The following KIRREL3 variants were observed in gnomAD, a reference collection of about 807,000 sequenced individuals.
KIRREL3 encodes the protein kirre like nephrin family adhesion molecule 3.
A neutral mutation model predicts 89.7 loss-of-function variants in KIRREL3; 36 were observed. The observed-to-expected ratio is 0.40, with a 90% confidence interval of 0.31 to 0.53. The LOEUF is 0.53. KIRREL3 is among the 20% of genes least tolerant of loss of function. The pLI, the probability that KIRREL3 is intolerant of heterozygous loss-of-function variation, is 0.49. For missense variants in KIRREL3, 864 were observed against 1,056.6 expected (o/e 0.82, Z 2.53); for synonymous variants, 445 against 441.4 (o/e 1.01, Z -0.10).
rs181112620 is a variant in KIRREL3 at position 126,855,269 on chromosome 11, G to A, written c.55+145186C>T. On this transcript the variant is annotated intron_variant, in intron 1 of 16. Coordinates refer to ENST00000525144, the MANE Select transcript of KIRREL3 (RefSeq NM_032531.4). ...ATCATGTGGGCAGATTCGCCCTTGC[G>A]TTCTTGCGATAGTAAGTGAGTTCTC... Among the ~76,000 whole-genome samples the A allele has an allele frequency of 1.8e-4, 28 of 152,320 alleles. No individual in the cohort carries two copies. In the East Asian group the frequency reaches 2.9e-3, roughly 16 times the overall value.
At chr11:126,591,640 C>A (rs1028006858) in intron 1 of KIRREL3, among the ~76,000 whole-genome samples, 5 of 152,218 alleles carry the variant, frequency 3.3e-5, no homozygotes, top group Non-Finnish European at 7.3e-5. Flanking sequence ...CTAGAAGGAT[C>A]TGGCTGTTCA....
chr11:126,971,447 T>C (rs1316425770), intron 1 of KIRREL3, among the ~76,000 whole-genome samples: 1 of 152,192 alleles, frequency 6.6e-6, no homozygotes, highest in South Asian at 2.1e-4. Flanking sequence ...ACAGGGTTTT[T>C]ATGTTCTGTT....
intron 15 of KIRREL3, among the ~76,000 whole-genome samples, chr11:126,426,711 T>A (rs2134136398): frequency 6.6e-6 from 1 of 152,280 alleles, no homozygotes; most frequent in Non-Finnish European, 1.5e-5. Context: ...GGTAGTAGGT[T>A]CCCTCCTACT....
intron 4 of KIRREL3, among the ~76,000 whole-genome samples, chr11:126,504,163 A>C (rs769082271): frequency 3.3e-5 from 5 of 152,142 alleles, no homozygotes; most frequent in African/African-American, 1.2e-4. Flanking sequence ...AAACCTTGGC[A>C]TCATCTGTGA....
In KIRREL3 at chr11:126,953,593, C is replaced by G. The variant is rs778247134; in HGVS notation, c.55+46862G>C. On this transcript the variant is annotated intron_variant, in intron 1 of 16. Transcript: ENST00000525144. This position sits in a 1 kb window ranked among gnomAD's most constrained non-coding sequence, Gnocchi z 5.2. ...TGGATGCAAATGTGGATCAAATACACACACACACACTTGGGAGAGATAGAG... is the reference window on the plus strand; with the variant it reads ...TGGATGCAAATGTGGATCAAATACAGACACACACACTTGGGAGAGATAGAG... Among the ~76,000 whole-genome samples, 1 of 139,136 alleles carries G rather than the reference C, an allele frequency of 7.2e-6. No individual in the cohort carries two copies. The highest frequency in any genetic ancestry group is 1.5e-5 in the Non-Finnish European group (1 of 65,324). The allele number at this position is 139,136 out of a possible 152,430, so 91.3% of individuals were successfully genotyped here.
intron 4 of KIRREL3, among the ~76,000 whole-genome samples, chr11:126,493,871 G>A (rs1354447414): frequency 6.6e-6 from 1 of 151,928 alleles, no homozygotes; most frequent in South Asian, 2.1e-4. Flanking sequence ...TCTGGGTCCC[G>A]GAACCATCCT....
rs1452264832 is a variant in KIRREL3 at position 126,669,798 on chromosome 11, C to T, written c.56-106886G>A. The stretch of plus-strand genomic sequence containing the variant: ...ATTATAAATCCAGTCTTGACCTATC[C>T]CTTGGGCTAAAGATTTGTAGAGTCA... On this transcript the variant is annotated intron_variant, in intron 1 of 16. Coordinates refer to ENST00000525144, the MANE Select transcript of KIRREL3 (RefSeq NM_032531.4). This position sits in a 1 kb window ranked among gnomAD's most constrained non-coding sequence, Gnocchi z 5.0. 3.9e-5 allele frequency among the ~76,000 whole-genome samples: 6 copies of T among 152,128 alleles called. No homozygotes were observed. Among genetic ancestry groups the T allele is most frequent in the African/African-American group, 1.4e-4 (6 of 41,408 alleles).
At chr11:126,971,793 G>A (rs1053261740) in intron 1 of KIRREL3, among the ~76,000 whole-genome samples, 4 of 152,110 alleles carry the variant, frequency 2.6e-5, no homozygotes, top group Non-Finnish European at 5.9e-5. Context: ...GGAAAATCTT[G>A]CTTATTTTGA....
chr11:126,779,469 T>A (rs1389728542), intron 1 of KIRREL3, among the ~76,000 whole-genome samples: 1 of 152,146 alleles, frequency 6.6e-6, no homozygotes, highest in Non-Finnish European at 1.5e-5. Context: ...TTTCTACTTG[T>A]CCCACCCAAG....
chr11:126,864,418 AG>A (rs1466912447), intron 1 of KIRREL3, among the ~76,000 whole-genome samples: 2 of 152,224 alleles, frequency 1.3e-5, no homozygotes, highest in African/African-American at 4.8e-5. Flanking sequence ...CACAGCTTGC[AG>A]TATGCCTGCC....
In KIRREL3 at chr11:126,814,933, T is replaced by C. The variant is rs146069193; in HGVS notation, c.55+185522A>G. Among the ~76,000 whole-genome samples, 1 of 152,040 alleles carries C rather than the reference T, an allele frequency of 6.6e-6. No homozygotes were observed. The highest frequency in any genetic ancestry group is 6.6e-5 in the Admixed American group (1 of 15,262). On this transcript the variant is annotated intron_variant, in intron 1 of 16. Transcript: ENST00000525144. The surrounding 1 kb of genome is among the most constrained non-coding windows in gnomAD (Gnocchi z 4.4). ...GCCCATGTACCCCAGAACTTAAAAG[T>C]TGAGAGAAAAGAAGAAAGTAAAAGA...
rs916499730 is a variant in KIRREL3, at chr11:126,703,587, G to A, written c.56-140675C>T. Among the ~76,000 whole-genome samples the A allele has an allele frequency of 2.8e-4, 43 of 152,206 alleles. No homozygotes were observed. Among genetic ancestry groups the A allele is most frequent in the Admixed American group, 1.9e-3 (29 of 15,286 alleles). ...GGTCAGTCAGATCGGGAGTGATGGG[G>A]CTGTAATCCAAATGCTGGGCTGGCT... On this transcript the variant is annotated intron_variant, in intron 1 of 16. Transcript: ENST00000525144. The surrounding 1 kb of genome is among the most constrained non-coding windows in gnomAD (Gnocchi z 4.6).
intron 2 of KIRREL3, among the ~76,000 whole-genome samples, chr11:126,533,138 A>G (rs1017288524): frequency 1.3e-5 from 2 of 152,170 alleles, no homozygotes; most frequent in Non-Finnish European, 2.9e-5. Context: ...AATGTCAAGC[A>G]TATAATAAAA....
chr11:126,974,768 C>A (rs35958939), intron 1 of KIRREL3, among the ~76,000 whole-genome samples: 18,921 of 152,048 alleles, frequency 0.12, 1,452 homozygotes, highest in East Asian at 0.37. Context: ...TGCAGTGGCA[C>A]GTTCTCAGTT....
At chr11:126,437,500 CACACATAAACATGCATCACA>C (rs1384140556) in intron 11 of KIRREL3, among the ~76,000 whole-genome samples, 2 of 152,126 alleles carry the variant, frequency 1.3e-5, no homozygotes, top group Middle Eastern at 3.2e-3. Context: ...TGTACCACAA[CACACATAAACATGCATCACA>C]ACACATGCAC....
intron 1 of KIRREL3, among the ~76,000 whole-genome samples, chr11:126,810,591 A>G (rs1951349679): frequency 1.3e-5 from 2 of 151,996 alleles, no homozygotes; most frequent in South Asian, 2.1e-4. Flanking sequence ...AGGAAAGACA[A>G]TAAGGCCAGA....
At position 126,443,292 on chromosome 11, in the gene KIRREL3, G is replaced by T. The variant is rs545155057; in HGVS notation, c.1252+1687C>A. Among the ~76,000 whole-genome samples the T allele has an allele frequency of 6.6e-6, 1 of 152,182 alleles. No individual in the cohort carries two copies. Among genetic ancestry groups the T allele is most frequent in the East Asian group, 1.9e-4 (1 of 5,188 alleles). ...CTGACTTCCGAGTGCCCTGGCTGGC[G>T]CGGGCTGTGTGGAGGGCCGCTGATT... is the stretch of plus-strand genomic sequence containing the variant. On this transcript the variant is annotated intron_variant, in intron 10 of 16. Transcript: ENST00000525144. The surrounding 1 kb of genome is among the most constrained non-coding windows in gnomAD (Gnocchi z 7.3).
rs34828983 is a variant in KIRREL3 at position 126,744,876 on chromosome 11, TAAAA to T, written c.56-181968_56-181965del. Among the ~76,000 whole-genome samples, 1 of 143,604 alleles carries T rather than the reference TAAAA, an allele frequency of 7.0e-6. No homozygotes were observed. The highest frequency in any genetic ancestry group is 2.6e-5 in the African/African-American group (1 of 38,836). 94.2% of individuals were successfully genotyped at this position (143,604 alleles called of 152,430 possible). ...ATTGTGTCTGCCACATAGTAAGTGC[TAAAA>T]AAAAAAAAAAAGGTGGGAAAAGTAG... is the stretch of plus-strand genomic sequence containing the variant. On this transcript the variant is annotated intron_variant, in intron 1 of 16. Coordinates refer to ENST00000525144, the MANE Select transcript of KIRREL3 (RefSeq NM_032531.4). This position sits in a 1 kb window ranked among gnomAD's most constrained non-coding sequence, Gnocchi z 4.7.
chr11:126,600,595 A>G (rs139007300), intron 1 of KIRREL3, among the ~76,000 whole-genome samples: 35 of 152,242 alleles, frequency 2.3e-4, no homozygotes, highest in African/African-American at 8.4e-4. Flanking sequence ...CCCCACTCCA[A>G]CACTCAAATC....
Sources: allele counts gnomAD v4.1 joint callset (sites outside exome capture counted in the v4.1 genomes callset), GRCh38; gene constraint gnomAD v4.1.1; non-coding constraint Gnocchi (gnomAD v3.1); transcripts MANE v1.5; gene names NCBI Gene and HGNC (gene_info 2026-07-23, HGNC 2026-07-21).